Variants in ESRRG observed in about 807,000 individuals in gnomAD.
ESRRG encodes the protein estrogen related receptor gamma.
In ESRRG, 13 loss-of-function variants were observed where a neutral mutation model predicts 44.0. The ratio of observed to expected loss-of-function variants is 0.30; its 90% CI spans 0.19 to 0.47. The LOEUF (loss-of-function observed/expected upper bound fraction) is 0.47, where lower values mean the gene tolerates loss of function less well. Among genes scored for constraint, ESRRG ranks in the 20% least tolerant of loss-of-function variants. ESRRG has a pLI of 1.00. For missense variants in ESRRG, 395 were observed against 580.6 expected (o/e 0.68, Z 3.29); for synonymous variants, 215 against 214.6 (o/e 1.00, Z -0.02).
intron 1 of ESRRG, among the ~76,000 whole-genome samples, chr1:217,070,789 G>A (rs2090462022): frequency 6.6e-6 from 1 of 152,154 alleles, no homozygotes; most frequent in Admixed American, 6.5e-5. Flanking sequence ...ATTTTTACAT[G>A]AATCTCTGTC....
intron 1 of ESRRG, among the ~76,000 whole-genome samples, chr1:217,076,381 A>G (rs1048661290): frequency 3.3e-5 from 5 of 152,134 alleles, no homozygotes; most frequent in African/African-American, 1.2e-4. Flanking sequence ...CAGCACACCA[A>G]ACAAACCACG....
chr1:216,518,494 T>C (rs7535890), intron 6 of ESRRG, among the ~76,000 whole-genome samples: 74 of 152,238 alleles, frequency 4.9e-4, no homozygotes, highest in African/African-American at 1.7e-3. Context: ...TCCTGAACTT[T>C]ATGCAAATGC....
chr1:216,515,483 T>C (rs1281450810), intron 6 of ESRRG, among the ~76,000 whole-genome samples: 2 of 152,258 alleles, frequency 1.3e-5, no homozygotes, highest in East Asian at 1.9e-4. Context: ...AAACTTTCTA[T>C]ACCTTGAAAT....
intron 1 of ESRRG, among the ~76,000 whole-genome samples, chr1:217,046,302 G>T (rs893574424): frequency 1.5e-4 from 23 of 152,204 alleles, no homozygotes; most frequent in African/African-American, 5.1e-4. Context: ...ATACAAAAGA[G>T]ATGATCAAGA....
chr1:216,525,169 C>CG (rs1452015908), intron 5 of ESRRG, among the ~76,000 whole-genome samples: 1 of 152,090 alleles, frequency 6.6e-6, no homozygotes, highest in East Asian at 1.9e-4. Flanking sequence ...AGGAAAGACT[C>CG]AACATGATGA....
intron 1 of ESRRG, among the ~76,000 whole-genome samples, chr1:217,100,480 C>T (rs2092494003): frequency 6.6e-6 from 1 of 152,308 alleles, no homozygotes; most frequent in Non-Finnish European, 1.5e-5. Context: ...GTTAGAGTGC[C>T]TTGCTGGAGG....
intron 1 of ESRRG, among the ~76,000 whole-genome samples, chr1:216,714,057 T>C (rs367805078): frequency 1.3e-5 from 2 of 152,320 alleles, no homozygotes; most frequent in East Asian, 3.9e-4. Flanking sequence ...CTATGCACTA[T>C]AGCCAGATTC....
At chr1:216,571,404 T>C (rs2060779453) in intron 3 of ESRRG, among the ~76,000 whole-genome samples, 2 of 152,010 alleles carry the variant, frequency 1.3e-5, no homozygotes, top group Non-Finnish European at 2.9e-5. Flanking sequence ...GATCGCACCA[T>C]TGCACTCTAG....
chr1:216,845,615 C>G (rs7518028), intron 2 of ESRRG, among the ~76,000 whole-genome samples: 5 of 152,048 alleles, frequency 3.3e-5, no homozygotes, highest in Non-Finnish European at 1.5e-5. Flanking sequence ...ACTGTTTTAT[C>G]CCCTCTAGAC....
intron 1 of ESRRG, among the ~76,000 whole-genome samples, chr1:217,072,425 G>T (rs1346511445): frequency 6.6e-6 from 1 of 152,176 alleles, no homozygotes; most frequent in African/African-American, 2.4e-5. Context: ...GGAAAGAAGA[G>T]TACAATAATA....
At chr1:216,801,968 G>C (rs965468878) in intron 2 of ESRRG, among the ~76,000 whole-genome samples, 2 of 152,084 alleles carry the variant, frequency 1.3e-5, no homozygotes, top group African/African-American at 4.8e-5. Flanking sequence ...TTATAAAAAG[G>C]AGAGACAAAA....
At chr1:216,753,818 G>C (rs1040653826) in intron 2 of ESRRG, among the ~76,000 whole-genome samples, 1 of 152,028 alleles carries the variant, frequency 6.6e-6, no homozygotes, top group African/African-American at 2.4e-5. Flanking sequence ...CCTGGCTTCA[G>C]ATATAACAGG....
intron 5 of ESRRG, among the ~76,000 whole-genome samples, chr1:216,548,413 A>G (rs2055219156): frequency 6.6e-6 from 1 of 152,140 alleles, no homozygotes; most frequent in Non-Finnish European, 1.5e-5. Context: ...CTTAAAATTT[A>G]AAAGAATGCT....
chr1:216,697,140 A>G (rs188703776), intron 1 of ESRRG, among the ~76,000 whole-genome samples: 2 of 151,932 alleles, frequency 1.3e-5, no homozygotes, highest in Non-Finnish European at 2.9e-5. Context: ...TAATTTTTGT[A>G]TTTTTAGTAG....
chr1:216,600,176 G>A (rs74141620), intron 3 of ESRRG, among the ~76,000 whole-genome samples: 3 of 152,278 alleles, frequency 2.0e-5, no homozygotes, highest in South Asian at 2.1e-4. Context: ...CATTTTGGCC[G>A]GGGGTTGGGG....
At chr1:216,706,488 G>A (rs1408291400) in intron 1 of ESRRG, among the ~76,000 whole-genome samples, 1 of 152,104 alleles carries the variant, frequency 6.6e-6, no homozygotes, top group African/African-American at 2.4e-5. Context: ...TATTTCTGGT[G>A]TCATTTCTAA....
chr1:217,010,678 A>C (rs1360142866), intron 1 of ESRRG, among the ~76,000 whole-genome samples: 1 of 152,206 alleles, frequency 6.6e-6, no homozygotes, highest in Non-Finnish European at 1.5e-5. Context: ...AAAGATGGAG[A>C]TGTAACTCCA....
intron 1 of ESRRG, among the ~76,000 whole-genome samples, chr1:216,690,342 C>T (rs568514531): frequency 8.6e-5 from 13 of 152,032 alleles, no homozygotes; most frequent in African/African-American, 3.1e-4. Flanking sequence ...GTGATAAATG[C>T]AATGACATGG....
At chr1:216,774,967 A>ATT (rs1186235039) in intron 2 of ESRRG, among the ~76,000 whole-genome samples, 2 of 142,098 alleles carry the variant, frequency 1.4e-5, no homozygotes, top group African/African-American at 5.2e-5. Context: ...ATGCTCGGCT[A>ATT]TTTTTTTTTT....
Sources: allele counts gnomAD v4.1 joint callset (sites outside exome capture counted in the v4.1 genomes callset), GRCh38; gene constraint gnomAD v4.1.1; transcripts MANE v1.5; gene names NCBI Gene and HGNC (gene_info 2026-07-23, HGNC 2026-07-21).